PTP4A3: variants seen among roughly 807,000 people sequenced by gnomAD.
PTP4A3 encodes the protein protein tyrosine phosphatase type IVA 3.
Under a neutral mutation model 15.2 loss-of-function variants are expected in PTP4A3, and 9 were observed. The observed-to-expected ratio is 0.59, with a 90% CI of 0.36 to 1.03. The LOEUF (loss-of-function observed/expected upper bound fraction) is 1.03. Among genes scored for constraint, PTP4A3 ranks in the 50% least tolerant of loss-of-function variants. PTP4A3 has a pLI of 0.02. For synonymous variants in PTP4A3, 95 were observed against 102.0 expected, an observed-to-expected ratio of 0.93 and a Z score of 0.41; for missense variants, 234 against 252.1, an observed-to-expected ratio of 0.93 and a Z score of 0.49.
chr8:141,413,986 G>A (rs112365611), intron 1 of PTP4A3, among the ~76,000 whole-genome samples: 1 of 148,112 alleles, frequency 6.8e-6, no homozygotes, highest in Non-Finnish European at 1.5e-5. Context: ...GGCGTCGTGG[G>A]GCTGGACTGC....
At chr8:141,416,666 G>T (rs1424619008) in intron 1 of PTP4A3, among the ~76,000 whole-genome samples, 1 of 152,130 alleles carries the variant, frequency 6.6e-6, no homozygotes, top group Non-Finnish European at 1.5e-5. Context: ...GGCAGGCAGG[G>T]CTACCTGGCT....
At chr8:141,402,734 T>G (rs1281887477) in intron 1 of PTP4A3, among the ~76,000 whole-genome samples, 1 of 21,176 alleles carries the variant, frequency 4.7e-5, no homozygotes. Flanking sequence ...CCCCCACCCC[T>G]CCCCCCTGCT....
chr8:141,422,370 G>C, intron 2 of PTP4A3, 25 bp downstream of exon 2: 1 of 1,612,498 alleles, frequency 6.2e-7, no homozygotes, highest in Non-Finnish European at 8.5e-7. Context: ...AGGTGTGGCA[G>C]GCAGGTGGCC....
At chr8:141,410,414 A>G (rs1469790157) in intron 1 of PTP4A3, among the ~76,000 whole-genome samples, 3 of 152,196 alleles carry the variant, frequency 2.0e-5, no homozygotes, top group Non-Finnish European at 2.9e-5. Flanking sequence ...GGCTTTAAGA[A>G]GCCCTGCGGG....
chr8:141,410,287 C>G (rs62522496), intron 1 of PTP4A3, among the ~76,000 whole-genome samples: 6,394 of 152,344 alleles, frequency 0.042, 162 homozygotes, highest in Non-Finnish European at 0.046. Context: ...CTGGAGTTGC[C>G]AAGGTGGGGT....
rs964086649 is a variant in PTP4A3, at chr8:141,425,314, C to T, written c.198+174C>T. Reference sequence around the variant, plus strand: ...TCAAGGGAAGGCCAGGGTGTTGGGCCGTGTGACCTCAAGAAAGTCACCCTT... The same window carrying T: ...TCAAGGGAAGGCCAGGGTGTTGGGCTGTGTGACCTCAAGAAAGTCACCCTT... On this transcript the variant is annotated intron_variant, in intron 3 of 5. Transcript: ENST00000521578. The surrounding 1 kb of genome is among the most constrained non-coding windows in gnomAD (Gnocchi z 4.2). Among the ~76,000 whole-genome samples, 2 of 152,028 alleles carry T rather than the reference C, an allele frequency of 1.3e-5. No individual in the cohort carries two copies. The highest frequency in any genetic ancestry group is 2.9e-5 in the Non-Finnish European group (2 of 67,988).
At chr8:141,417,417 G>A (rs1412142343) in intron 1 of PTP4A3, among the ~76,000 whole-genome samples, 2 of 152,144 alleles carry the variant, frequency 1.3e-5, no homozygotes, top group Non-Finnish European at 2.9e-5. Context: ...GGGCTGGGCA[G>A]GGGGTCTGAA....
chr8:141,402,158 C>T (rs1001073170), intron 1 of PTP4A3, among the ~76,000 whole-genome samples: 6 of 152,224 alleles, frequency 3.9e-5, no homozygotes, highest in Admixed American at 6.5e-5. Flanking sequence ...CCCTGGGTGA[C>T]GGGTCTGAGG....
At chr8:141,416,754 G>C (rs912694931) in intron 1 of PTP4A3, among the ~76,000 whole-genome samples, 5 of 152,108 alleles carry the variant, frequency 3.3e-5, no homozygotes, top group African/African-American at 1.2e-4. Context: ...TCCCCAGCCT[G>C]CTTGCCCACC....
intron 1 of PTP4A3, among the ~76,000 whole-genome samples, chr8:141,408,095 G>T (rs1399649384): frequency 1.3e-5 from 2 of 152,204 alleles, no homozygotes; most frequent in African/African-American, 4.8e-5. Context: ...GCCAGGAGAA[G>T]CGAAAGGAAC....
In PTP4A3 at chr8:141,418,095, T is replaced by C. The variant is rs572016536; in HGVS notation, c.-853-3293T>C. Among the ~76,000 whole-genome samples the C allele has an allele frequency of 9.0e-3, 1,368 of 151,872 alleles. 15 individuals carry two copies. The highest frequency in any genetic ancestry group is 0.031 in the African/African-American group (1,293 of 41,406). On this transcript the variant is annotated intron_variant, in intron 1 of 5. Coordinates refer to ENST00000521578, the MANE Select transcript of PTP4A3 (RefSeq NM_032611.3). ...CCCCGCCGGGGAGGAGGTGGCGCCC[T>C]CCGGAGGGCTGGGCGGGAGCCCCGC... is the stretch of plus-strand genomic sequence containing the variant.
In PTP4A3 at chr8:141,425,702, C is replaced by T. The variant is rs1240596002; in HGVS notation, c.198+562C>T. Among the ~76,000 whole-genome samples, 2 of 152,158 alleles carry T rather than the reference C, an allele frequency of 1.3e-5. No homozygotes were observed. The highest frequency in any genetic ancestry group is 4.8e-5 in the African/African-American group (2 of 41,428). On this transcript the variant is annotated intron_variant, in intron 3 of 5. Transcript: ENST00000521578. The surrounding 1 kb of genome is among the most constrained non-coding windows in gnomAD (Gnocchi z 4.2). ...CCCCCGGCCCGGTGGACGACTGCCC[C>T]CCTGGTGCAGGCCTGCCCAGCTGCG...
chr8:141,422,060 C>A lies in PTP4A3; in HGVS notation c.-181C>A. On this transcript the variant is annotated 5_prime_UTR_variant, in exon 2 of 6. Coordinates refer to ENST00000521578, the MANE Select transcript of PTP4A3 (RefSeq NM_032611.3). ...ACAGTGGGCAGCTTCCTCCCCCACA[C>A]CCAAGTATTTGCACAATATTTGTGC... The A allele has an allele frequency of 1.8e-6, 1 of 555,372 alleles. No homozygotes were observed. The allele number at this position is 555,372 out of a possible 1,614,324, so 34.4% of individuals were successfully genotyped here. A position where few individuals can be genotyped will look rare whatever the true frequency, so the allele number is the denominator to read the frequency against.
intron 1 of PTP4A3, among the ~76,000 whole-genome samples, chr8:141,397,199 G>C (rs769520251): frequency 1.2e-4 from 19 of 152,238 alleles, no homozygotes; most frequent in Non-Finnish European, 1.8e-4. Flanking sequence ...TGGCTGCCAG[G>C]GTGTGCAGGG....
chr8:141,426,306 C>A (rs892617239), intron 3 of PTP4A3: 1 of 475,036 alleles, frequency 2.1e-6, no homozygotes, highest in African/African-American at 2.1e-5. Context: ...CGTTGCCCAC[C>A]GATCTAGGGC....
intron 1 of PTP4A3, among the ~76,000 whole-genome samples, chr8:141,405,756 C>T (rs887279756): frequency 6.6e-6 from 1 of 151,478 alleles, no homozygotes; most frequent in Non-Finnish European, 1.5e-5. Flanking sequence ...GTGTGGGGGA[C>T]AGAGGACAGG....
In PTP4A3 at chr8:141,425,729, C is replaced by T. The variant is rs945115001; in HGVS notation, c.198+589C>T. Among the ~76,000 whole-genome samples, 4 of 152,230 alleles carry T rather than the reference C, an allele frequency of 2.6e-5. No individual in the cohort carries two copies. The highest frequency in any genetic ancestry group is 5.9e-5 in the Non-Finnish European group (4 of 68,028). ...CTGGTGCAGGCCTGCCCAGCTGCGCCTGGGCCTCAGTCTCCTCAGTGCGGA... is the reference window on the plus strand; with the variant it reads ...CTGGTGCAGGCCTGCCCAGCTGCGCTTGGGCCTCAGTCTCCTCAGTGCGGA... On this transcript the variant is annotated intron_variant, in intron 3 of 5. Coordinates refer to ENST00000521578, the MANE Select transcript of PTP4A3 (RefSeq NM_032611.3). The surrounding 1 kb of genome is among the most constrained non-coding windows in gnomAD (Gnocchi z 4.2).
intron 1 of PTP4A3, among the ~76,000 whole-genome samples, chr8:141,399,743 G>A (rs1228507247): frequency 1.3e-5 from 2 of 152,202 alleles, no homozygotes; most frequent in African/African-American, 4.8e-5. Context: ...CTCTCTTCCA[G>A]GCCTGTGACC....
intron 1 of PTP4A3, among the ~76,000 whole-genome samples, chr8:141,416,066 C>T (rs1243578073): frequency 6.6e-6 from 1 of 151,930 alleles, no homozygotes; most frequent in East Asian, 2.0e-4. Flanking sequence ...CAGAGGGCCC[C>T]AGGCAAGGGG....
Sources: gnomAD v4.1 joint callset for allele counts (sites outside exome capture counted in the v4.1 genomes callset) on GRCh38, gnomAD v4.1.1 for gene constraint, Gnocchi (gnomAD v3.1) non-coding constraint, MANE v1.5 for transcripts, NCBI Gene and HGNC (gene_info 2026-07-23, HGNC 2026-07-21) for gene names.